The following GMPS variants were observed in gnomAD, a reference collection of about 807,000 sequenced individuals.
GMPS encodes the protein GMP synthase [glutamine-hydrolyzing].
GMPS carries 15 observed loss-of-function variants against 77.9 expected under a neutral mutation model. The observed-to-expected ratio is 0.19, with a 90% confidence interval of 0.13 to 0.30. The LOEUF is 0.30. GMPS is among the 10% of genes least tolerant of loss of function. The pLI is 1.00. For synonymous variants in GMPS, 224 were observed against 275.9 expected, an observed-to-expected ratio of 0.81 and a Z score of 1.86; for missense variants, 590 against 838.8, an observed-to-expected ratio of 0.70 and a Z score of 3.66.
chr3:155,915,326 C>G (rs1484641821), intron 8 of GMPS, among the ~76,000 whole-genome samples: 2 of 151,276 alleles, frequency 1.3e-5, no homozygotes, highest in African/African-American at 4.9e-5. Flanking sequence ...CAACTTTCAC[C>G]TGCTGGGTTC....
At chr3:155,909,470 T>G (rs1259836690) in intron 5 of GMPS, among the ~76,000 whole-genome samples, 2 of 152,136 alleles carry the variant, frequency 1.3e-5, no homozygotes, top group East Asian at 1.9e-4. Context: ...GTAACTTGGG[T>G]GGAGAGGTGA....
intron 11 of GMPS, among the ~76,000 whole-genome samples, chr3:155,924,166 A>T (rs527965199): frequency 6.2e-4 from 95 of 152,362 alleles, no homozygotes; most frequent in African/African-American, 2.2e-3. Flanking sequence ...GGCGTGAGCC[A>T]CTGGGCCCGG....
At chr3:155,894,414 G>A (rs1315275388) in intron 2 of GMPS, among the ~76,000 whole-genome samples, 1 of 152,050 alleles carries the variant, frequency 6.6e-6, no homozygotes, top group Admixed American at 6.6e-5. Context: ...AGTACAGAAC[G>A]GGTTTCACCA....
At chr3:155,917,733 C>T (rs1040033636) in intron 9 of GMPS, among the ~76,000 whole-genome samples, 6 of 151,968 alleles carry the variant, frequency 3.9e-5, no homozygotes, top group African/African-American at 1.2e-4. Flanking sequence ...ATTAGCCAGG[C>T]GTGATGGCGG....
intron 1 of GMPS, among the ~76,000 whole-genome samples, chr3:155,878,339 A>G (rs968829531): frequency 6.6e-6 from 1 of 152,156 alleles, no homozygotes; most frequent in Non-Finnish European, 1.5e-5. Flanking sequence ...TAAGTACTTT[A>G]TTCCTTTTTA....
At chr3:155,882,959 G>A (rs566287852) in intron 1 of GMPS, among the ~76,000 whole-genome samples, 1 of 152,312 alleles carries the variant, frequency 6.6e-6, no homozygotes, top group South Asian at 2.1e-4. Flanking sequence ...AGGGTCGTAT[G>A]TAGAAAAGAG....
chr3:155,926,003 G>T (rs1755445367), intron 12 of GMPS, among the ~76,000 whole-genome samples: 1 of 151,994 alleles, frequency 6.6e-6, no homozygotes, highest in South Asian at 2.1e-4. Flanking sequence ...TAATAAGATA[G>T]TATGTTAATT....
At chr3:155,871,813 G>A (rs532727300) in intron 1 of GMPS, among the ~76,000 whole-genome samples, 62 of 152,338 alleles carry the variant, frequency 4.1e-4, no homozygotes, top group Non-Finnish European at 7.2e-4. Flanking sequence ...ACGTTTGACC[G>A]CTGCTGCTCA....
chr3:155,900,330 C>G (rs1174443936), intron 3 of GMPS, among the ~76,000 whole-genome samples: 1 of 150,654 alleles, frequency 6.6e-6, no homozygotes, highest in Non-Finnish European at 1.5e-5. Context: ...CTTAGAAGAG[C>G]CTGCACCCTG....
intron 3 of GMPS, among the ~76,000 whole-genome samples, chr3:155,899,532 T>C (rs779245175): frequency 9.9e-5 from 15 of 152,014 alleles, no homozygotes; most frequent in Non-Finnish European, 1.8e-4. Flanking sequence ...CCTCTACACA[T>C]GCATAGCTTC....
chr3:155,884,338 A>G (rs1754279145), intron 1 of GMPS, among the ~76,000 whole-genome samples: 1 of 150,986 alleles, frequency 6.6e-6, no homozygotes, highest in Non-Finnish European at 1.5e-5. Flanking sequence ...GTGAGCCAAG[A>G]TCGCACCACT....
rs1452122617 is a variant in GMPS, at chr3:155,938,634, AATGTTT to A, written c.*945_*950del. ...TACAGCTTACAAAAGGGAGAGGAAA[AATGTTT>A]ATATCATCTAGTAAACAGTTGTAAA... On this transcript the variant is annotated 3_prime_UTR_variant, in exon 16 of 16. Coordinates refer to ENST00000496455, the MANE Select transcript of GMPS (RefSeq NM_003875.3). The A allele has an allele frequency of 4.9e-6, 1 of 202,168 alleles. No homozygotes were observed. The highest frequency in any genetic ancestry group is 1.0e-5 in the Non-Finnish European group (1 of 98,286). 12.5% of individuals were successfully genotyped at this position (202,168 alleles called of 1,614,324 possible).
At chr3:155,887,190 T>C (rs1023757681) in intron 1 of GMPS, among the ~76,000 whole-genome samples, 1 of 152,188 alleles carries the variant, frequency 6.6e-6, no homozygotes. Flanking sequence ...CAGGTTCTTA[T>C]AGGTCTTGGG....
chr3:155,892,232 A>G (rs1465879618), intron 1 of GMPS, among the ~76,000 whole-genome samples: 2 of 152,180 alleles, frequency 1.3e-5, no homozygotes, highest in Non-Finnish European at 2.9e-5. Flanking sequence ...TTATACATGC[A>G]TACAGACTTT....
intron 12 of GMPS, among the ~76,000 whole-genome samples, chr3:155,925,769 A>T (rs1445899731): frequency 6.6e-6 from 1 of 152,054 alleles, no homozygotes; most frequent in African/African-American, 2.4e-5. Flanking sequence ...GAGGTCATTT[A>T]TCCTAGGTGT....
At chr3:155,902,538 A>G (rs185677952) in intron 3 of GMPS, among the ~76,000 whole-genome samples, 7 of 152,334 alleles carry the variant, frequency 4.6e-5, no homozygotes, top group Non-Finnish European at 7.4e-5. Flanking sequence ...ATTTCTTTGT[A>G]AGTATTGTCT....
chr3:155,943,037 C>T lies in GMPS; in HGVS notation c.*5345C>T, dbSNP rs1353125421. The T allele has an allele frequency of 5.6e-6, 1 of 177,404 alleles. No homozygotes were observed. Among genetic ancestry groups the T allele is most frequent in the Non-Finnish European group, 1.2e-5 (1 of 82,620 alleles). 11.0% of individuals were successfully genotyped at this position (177,404 alleles called of 1,614,324 possible). On this transcript the variant is annotated 3_prime_UTR_variant, in exon 16 of 16. Transcript: ENST00000496455. ...CTTGAGGTCAGGAGTTTGAGACCAGCGTGGCCAACATGGTGAAACCCCATT... is the reference window on the plus strand; with the variant it reads ...CTTGAGGTCAGGAGTTTGAGACCAGTGTGGCCAACATGGTGAAACCCCATT...
At chr3:155,930,532 CT>C (rs1353365091) in intron 12 of GMPS, among the ~76,000 whole-genome samples, 4 of 151,672 alleles carry the variant, frequency 2.6e-5, no homozygotes, top group Admixed American at 2.0e-4. Flanking sequence ...AACTAAAGAG[CT>C]TCTGCACAGC....
Position 155,888,086 on chromosome 3 carries a change from T to A in GMPS, c.28-5432T>A, listed in dbSNP as rs192780387. Among the ~76,000 whole-genome samples, 883 of 151,638 alleles carry A rather than the reference T, an allele frequency of 5.8e-3. 13 individuals are homozygous for A. The highest frequency in any genetic ancestry group is 0.02 in the African/African-American group (823 of 41,098). ...ATTCCTTTATTTTAATTATTAAAAATTTTTTTTAAGAGATAGGGTCTTGCT... is the reference window on the plus strand; with the variant it reads ...ATTCCTTTATTTTAATTATTAAAAAATTTTTTTAAGAGATAGGGTCTTGCT... On this transcript the variant is annotated intron_variant, in intron 1 of 15. Transcript: ENST00000496455.
Sources: allele counts gnomAD v4.1 joint callset (sites outside exome capture counted in the v4.1 genomes callset), GRCh38; gene constraint gnomAD v4.1.1; transcripts MANE v1.5; gene names NCBI Gene and HGNC (gene_info 2026-07-23, HGNC 2026-07-21).